DNAH8: variants seen among roughly 807,000 people sequenced by gnomAD.
DNAH8 encodes the protein dynein axonemal heavy chain 8, also known as axonemal beta dynein heavy chain 8.
DNAH8 carries 382 observed loss-of-function variants against 562.1 expected under a neutral mutation model. That is an observed-to-expected ratio of 0.68 (90% CI 0.63 to 0.74). The LOEUF is 0.74. Ranked by LOEUF, DNAH8 falls within the 30% of genes least tolerant of loss-of-function variation. DNAH8 has a pLI of 0.00. For missense variants in DNAH8, 5,203 were observed against 5,620.4 expected, an observed-to-expected ratio of 0.93 and a Z score of 2.37; for synonymous variants, 1,881 against 1,919.4, an observed-to-expected ratio of 0.98 and a Z score of 0.52.
At chr6:38,928,563 T>C (rs78372314) in intron 74 of DNAH8, among the ~76,000 whole-genome samples, 3,944 of 152,332 alleles carry the variant, frequency 0.026, 81 homozygotes, top group Non-Finnish European at 0.038. Context: ...ATTTCCTTTT[T>C]AATCAAAACA....
In DNAH8 at chr6:38,911,555, C is replaced by T; in HGVS notation, c.9828C>T (p.Phe3276=). Residue 3276 remains phenylalanine, a synonymous_variant, in exon 66 of 93, where the codon TTC becomes TTT. Transcript: ENST00000327475. ...ACATTTATGCTGAAAAGGTGAAGTTCATTAATGAACAGGCTGAACGTATGA... is the reference window on the plus strand; with the variant it reads ...ACATTTATGCTGAAAAGGTGAAGTTTATTAATGAACAGGCTGAACGTATGA... ...YKNIYAEKVK[F]INEQAERMNI... 1.2e-6 allele frequency: 2 copies of T among 1,609,938 alleles called. No individual in the cohort carries two copies. The highest frequency in any genetic ancestry group is 1.7e-6 in the Non-Finnish European group (2 of 1,176,366).
At position 38,911,271 on chromosome 6, in the gene DNAH8, T is replaced by A. The variant is rs935608853; in HGVS notation, c.9741-197T>A. Among the ~76,000 whole-genome samples, 4 of 152,174 alleles carry A rather than the reference T, an allele frequency of 2.6e-5. No homozygotes were observed. The East Asian group carries it at 7.7e-4, about 29-fold the overall frequency. The stretch of plus-strand genomic sequence containing the variant: ...AACAGAGTTGGAGTTAAGGGTGAAG[T>A]CAAAGACCCCTCAGGGTTGAAACAT... On this transcript the variant is annotated intron_variant, in intron 65 of 92. Transcript: ENST00000327475.
chr6:38,764,141 A>G (rs1156535194), intron 11 of DNAH8: 4 of 153,490 alleles, frequency 2.6e-5, no homozygotes, highest in East Asian at 1.9e-4. Flanking sequence ...TACCTCATCT[A>G]CAAAAACACT....
intron 24 of DNAH8, among the ~76,000 whole-genome samples, chr6:38,810,689 C>T (rs561227621): frequency 3.9e-5 from 6 of 152,114 alleles, no homozygotes; most frequent in Non-Finnish European, 8.8e-5. Context: ...ACTCACTGAA[C>T]TGTACATATT....
Position 38,973,792 on chromosome 6 carries a change from A to G in DNAH8, c.12657A>G (p.Arg4219=), listed in dbSNP as rs1305105103. Residue 4219 remains arginine, a synonymous_variant, in exon 84 of 93, where the codon CGA becomes CGG. Transcript: ENST00000327475. ...GGATAACTACGGAGCCCCATGATCGATTTCCAATTACATTGCTTCAGGTTT... is the reference window on the plus strand; with the variant it reads ...GGATAACTACGGAGCCCCATGATCGGTTTCCAATTACATTGCTTCAGGTTT... ...RVWITTEPHD[R]FPITLLQTSL... 1 of 1,604,398 alleles carries G rather than the reference A, an allele frequency of 6.2e-7. No homozygotes were observed. The highest frequency in any genetic ancestry group is 8.5e-7 in the Non-Finnish European group (1 of 1,177,272).
At chr6:38,915,177 T>G in intron 67 of DNAH8, 24 bp from the exon 68 acceptor site, 3 of 1,567,304 alleles carry the variant, frequency 1.9e-6, no homozygotes, top group Non-Finnish European at 2.6e-6. Context: ...CTATTGGCTT[T>G]CATGTGTTTC....
rs1257318232 is a variant in DNAH8, at chr6:38,845,768, C to A, written c.5040C>A (p.Ser1680Arg). 2 of 1,609,028 alleles carry A rather than the reference C, an allele frequency of 1.2e-6. No individual in the cohort carries two copies. The highest frequency in any genetic ancestry group is 2.7e-5 in the African/African-American group (2 of 74,746). The change falls in exon 36 of 93, where the codon AGC becomes AGA. Residue 1680 changes from serine to arginine, a missense_variant. Ser to Arg is a moderately radical substitution (Grantham distance 110). Coordinates refer to ENST00000327475, the MANE Select transcript of DNAH8 (RefSeq NM_001206927.2). ...TAATGGTCTTAGGGTCTTTACTCAG[C>A]AACAGGTAATTTTATAATTTGAGAG... is the stretch of plus-strand genomic sequence containing the variant. The part of the protein sequence containing the change: ...DSLMVLGSLL[S>R]NRYNAPFKKN...
In DNAH8 at chr6:39,008,936, T is replaced by C. The variant is rs749403032; in HGVS notation, c.13337T>C (p.Leu4446Pro). Residue 4446 changes from leucine (L) to proline (P), a missense_variant, in exon 89 of 93, where the codon CTG becomes CCG. Transcript: ENST00000327475. ...GTTTATAGATTATCTGAAGATATGC[T>C]GAGTAAACTCCCTCCTGATTACATT... ...AIVYRLSEDM[L>P]SKLPPDYIPH... 29 of 1,611,670 alleles carry C rather than the reference T, an allele frequency of 1.8e-5. No homozygotes were observed. The highest frequency in any genetic ancestry group is 2.4e-5 in the Non-Finnish European group (28 of 1,178,042).
At position 38,890,741 on chromosome 6, in the gene DNAH8, G is replaced by A; in HGVS notation, c.8563G>A (p.Val2855Met). The A allele has an allele frequency of 6.2e-7, 1 of 1,613,118 alleles. No individual in the cohort carries two copies. The highest frequency in any genetic ancestry group is 8.5e-7 in the Non-Finnish European group (1 of 1,179,078). ...MIVNLVSVGR[V>M]LWQWTKVKML... The stretch of plus-strand genomic sequence containing the variant: ...TGTGAATTTAGTCTCAGTGGGTAGA[G>A]TGCTGTGGCAATGGACTAAGGTACA... The change falls in exon 58 of 93, where the codon GTG becomes ATG. Residue 2855 changes from valine to methionine, a missense_variant. Coordinates refer to ENST00000327475, the MANE Select transcript of DNAH8 (RefSeq NM_001206927.2).
intron 88 of DNAH8, among the ~76,000 whole-genome samples, chr6:39,000,185 C>T (rs902616820): frequency 5.9e-5 from 9 of 152,274 alleles, no homozygotes; most frequent in African/African-American, 2.2e-4. Flanking sequence ...GCAGTCCGTG[C>T]TCTTGGAGCG....
At position 38,949,588 on chromosome 6, in the gene DNAH8, C is replaced by T; in HGVS notation, c.12248+18C>T. 10 of 1,380,644 alleles carry T rather than the reference C, an allele frequency of 7.2e-6. No homozygotes were observed. The highest frequency in any genetic ancestry group is 1.0e-5 in the Non-Finnish European group (10 of 968,102). 85.5% of individuals were successfully genotyped at this position (1,380,644 alleles called of 1,614,324 possible). On this transcript the variant is annotated intron_variant, in intron 81 of 92. Transcript: ENST00000327475. ...CTTATCAGGTGAGAACAGGCATTATCAGACCTAGAAGCATCACTCATAATA... is the reference window on the plus strand; with the variant it reads ...CTTATCAGGTGAGAACAGGCATTATTAGACCTAGAAGCATCACTCATAATA...
intron 81 of DNAH8, 60 bp from the exon 82 acceptor site, chr6:38,951,258 C>T (rs1761881198): frequency 1.4e-6 from 2 of 1,424,120 alleles, no homozygotes; most frequent in African/African-American, 2.8e-5. Flanking sequence ...TTTACTTACT[C>T]AGATAGGATA....
chr6:39,018,480 C>T (rs529524778), intron 91 of DNAH8, among the ~76,000 whole-genome samples: 2 of 152,340 alleles, frequency 1.3e-5, no homozygotes, highest in South Asian at 4.1e-4. Flanking sequence ...TCGGCAACTT[C>T]TGTCCTTGGC....
intron 88 of DNAH8, among the ~76,000 whole-genome samples, chr6:38,995,496 C>A (rs1765076427): frequency 1.3e-5 from 2 of 152,212 alleles, no homozygotes; most frequent in African/African-American, 2.4e-5. Flanking sequence ...TGGTAGAATT[C>A]TCCTGTGAAA....
In DNAH8 at chr6:38,887,110, A is replaced by G. The variant is rs893514702; in HGVS notation, c.8473+106A>G. 2.2e-5 allele frequency: 17 copies of G among 762,698 alleles called. No homozygotes were observed. In the African/African-American group the frequency reaches 2.8e-4, roughly 12 times the overall value. The allele number at this position is 762,698 out of a possible 1,614,324, so 47.2% of individuals were successfully genotyped here. ...GGCTCTGTCTAAAGTGGGGTTAGGTATGTGAAATGGAGAGCTAAACACTAG... is the reference window on the plus strand; with the variant it reads ...GGCTCTGTCTAAAGTGGGGTTAGGTGTGTGAAATGGAGAGCTAAACACTAG... On this transcript the variant is annotated intron_variant, in intron 57 of 92. Transcript: ENST00000327475.
chr6:39,000,793 C>T (rs1765433734), intron 88 of DNAH8, among the ~76,000 whole-genome samples: 1 of 152,178 alleles, frequency 6.6e-6, no homozygotes, highest in Non-Finnish European at 1.5e-5. Context: ...TCCGCCGCCT[C>T]CCCTCCAGTC....
At chr6:38,886,654 G>A (rs762413776) in intron 56 of DNAH8, 137 bp from the exon 57 acceptor site, 11 of 710,700 alleles carry the variant, frequency 1.5e-5, no homozygotes, top group Non-Finnish European at 2.6e-5. Context: ...TACCTTGAAG[G>A]TGATCATCGA....
At chr6:38,961,769 A>T (rs1762619082) in intron 82 of DNAH8, among the ~76,000 whole-genome samples, 1 of 152,054 alleles carries the variant, frequency 6.6e-6, no homozygotes, top group South Asian at 2.1e-4. Context: ...CATATCCATT[A>T]AAGTCAGATA....
intron 41 of DNAH8, among the ~76,000 whole-genome samples, chr6:38,854,168 C>G (rs1200163636): frequency 6.6e-6 from 1 of 151,958 alleles, no homozygotes; most frequent in Admixed American, 6.6e-5. Flanking sequence ...TCCCTTCAAG[C>G]AATTAAAAAT....
Sources: allele counts gnomAD v4.1 joint callset (sites outside exome capture counted in the v4.1 genomes callset), GRCh38; gene constraint gnomAD v4.1.1; transcripts MANE v1.5; gene names NCBI Gene and HGNC (gene_info 2026-07-23, HGNC 2026-07-21).